The following ARHGAP10 variants were observed in gnomAD, a reference collection of about 807,000 sequenced individuals.
ARHGAP10 encodes the protein Rho GTPase activating protein 10.
A neutral mutation model predicts 108.6 loss-of-function variants in ARHGAP10; 87 were observed. The observed-to-expected ratio is 0.80, with a 90% confidence interval of 0.67 to 0.96. The LOEUF is 0.96. Ranked by LOEUF, ARHGAP10 falls within the 40% of genes least tolerant of loss-of-function variation. The pLI, the probability that ARHGAP10 is intolerant of heterozygous loss-of-function variation, is 0.00. For synonymous variants in ARHGAP10, 347 were observed against 341.1 expected, an observed-to-expected ratio of 1.02 and a Z score of -0.19; for missense variants, 939 against 954.5, an observed-to-expected ratio of 0.98 and a Z score of 0.21.
At chr4:148,000,048 G>A (rs1740639205) in intron 18 of ARHGAP10, among the ~76,000 whole-genome samples, 1 of 151,928 alleles carries the variant, frequency 6.6e-6, no homozygotes, top group Non-Finnish European at 1.5e-5. Context: ...TTTACATTAG[G>A]TATATCTCCT....
intron 18 of ARHGAP10, among the ~76,000 whole-genome samples, chr4:147,974,307 C>A (rs1256716901): frequency 6.6e-6 from 1 of 152,022 alleles, no homozygotes; most frequent in Non-Finnish European, 1.5e-5. Context: ...TCATATACCT[C>A]ATTCTTATAT....
chr4:147,736,262 G>A (rs984890431), intron 1 of ARHGAP10, among the ~76,000 whole-genome samples: 1 of 152,042 alleles, frequency 6.6e-6, no homozygotes, highest in Non-Finnish European at 1.5e-5. Flanking sequence ...TAGGTCTTCC[G>A]ACTTGGTTTT....
chr4:147,738,705 G>A (rs1405913514), intron 1 of ARHGAP10, among the ~76,000 whole-genome samples: 3 of 152,128 alleles, frequency 2.0e-5, no homozygotes, highest in African/African-American at 7.2e-5. Context: ...TCAAGGCCCT[G>A]TTCTTGCCTC....
chr4:147,896,193 C>T (rs780130802), intron 10 of ARHGAP10, among the ~76,000 whole-genome samples: 1 of 152,132 alleles, frequency 6.6e-6, no homozygotes, highest in African/African-American at 2.4e-5. Flanking sequence ...ATGTCCTTCT[C>T]TGGTTTTGGT....
intron 18 of ARHGAP10, among the ~76,000 whole-genome samples, chr4:147,967,677 T>TA (rs1035861998): frequency 2.0e-5 from 3 of 152,226 alleles, no homozygotes; most frequent in Non-Finnish European, 2.9e-5. Flanking sequence ...TGGCTACTCT[T>TA]ACGATACAAC....
intron 18 of ARHGAP10, among the ~76,000 whole-genome samples, chr4:148,012,394 C>T (rs1480170259): frequency 1.3e-5 from 2 of 152,128 alleles, no homozygotes; most frequent in Non-Finnish European, 2.9e-5. Context: ...TATGCTTTGT[C>T]GTCATATATA....
At chr4:147,912,585 ATATATATATATAT>A (rs1165921089) in intron 12 of ARHGAP10, among the ~76,000 whole-genome samples, 3 of 126,478 alleles carry the variant, frequency 2.4e-5, no homozygotes, top group African/African-American at 1.1e-4. Context: ...ATATATATAT[ATATATATATATAT>A]AAAATTCCTG....
chr4:147,955,269 A>T (rs1738746023), intron 15 of ARHGAP10, 47 bp from the exon 16 acceptor site: 3 of 1,533,882 alleles, frequency 2.0e-6, no homozygotes, highest in Non-Finnish European at 2.7e-6. Context: ...CTCAGAAGTG[A>T]CTTGTTTGGA....
intron 10 of ARHGAP10, among the ~76,000 whole-genome samples, chr4:147,902,173 T>C (rs1473700877): frequency 2.0e-5 from 3 of 152,170 alleles, no homozygotes; most frequent in Admixed American, 1.3e-4. Context: ...CCCAAGCCCA[T>C]TCATTGTTTC....
At chr4:147,881,801 T>G in intron 9 of ARHGAP10, 37 bp from the exon 10 acceptor site, 1 of 1,598,316 alleles carries the variant, frequency 6.3e-7, no homozygotes, top group South Asian at 1.1e-5. Flanking sequence ...ATACTTATCC[T>G]GTAGGTTTTG....
chr4:147,737,055 A>G (rs1304803854), intron 1 of ARHGAP10, among the ~76,000 whole-genome samples: 8 of 152,134 alleles, frequency 5.3e-5, no homozygotes, highest in African/African-American at 9.7e-5. Context: ...GGGATTTTCT[A>G]TGCTTTGAAT....
chr4:147,901,885 C>T (rs1254300158), intron 10 of ARHGAP10, among the ~76,000 whole-genome samples: 1 of 152,200 alleles, frequency 6.6e-6, no homozygotes, highest in African/African-American at 2.4e-5. Context: ...TTTTCCTCCA[C>T]ATATGAGCAT....
chr4:148,009,746 A>G (rs1040985508), intron 18 of ARHGAP10, among the ~76,000 whole-genome samples: 1 of 152,170 alleles, frequency 6.6e-6, no homozygotes. Flanking sequence ...AGTCAGATGG[A>G]CTAACTCAGC....
chr4:147,812,588 C>T (rs1476114634), intron 1 of ARHGAP10, among the ~76,000 whole-genome samples: 3 of 152,188 alleles, frequency 2.0e-5, no homozygotes, highest in Non-Finnish European at 2.9e-5. Flanking sequence ...AAAGCCTTTT[C>T]CCCACCTCTG....
At chr4:148,033,763 T>C (rs1421129381) in intron 19 of ARHGAP10, among the ~76,000 whole-genome samples, 1 of 152,058 alleles carries the variant, frequency 6.6e-6, no homozygotes, top group African/African-American at 2.4e-5. Context: ...GGGAATGGAG[T>C]CCCTTTAGCA....
intron 19 of ARHGAP10, among the ~76,000 whole-genome samples, chr4:148,043,178 G>C (rs563858543): frequency 6.6e-5 from 10 of 152,304 alleles, no homozygotes; most frequent in Admixed American, 3.3e-4. Context: ...GAGAGGAGGG[G>C]TTTGGCAAGT....
At chr4:147,815,467 G>A (rs1158228552) in intron 1 of ARHGAP10, among the ~76,000 whole-genome samples, 2 of 152,116 alleles carry the variant, frequency 1.3e-5, no homozygotes, top group African/African-American at 2.4e-5. Flanking sequence ...ATTATTGGCC[G>A]GAGGCGGGGG....
chr4:147,847,506 G>A (rs568639105), intron 4 of ARHGAP10, among the ~76,000 whole-genome samples: 47 of 152,328 alleles, frequency 3.1e-4, no homozygotes, highest in South Asian at 2.7e-3. Flanking sequence ...AATAGAAGGA[G>A]CTTATTACTG....
intron 1 of ARHGAP10, among the ~76,000 whole-genome samples, chr4:147,819,670 T>G (rs1431014662): frequency 1.3e-5 from 2 of 152,140 alleles, no homozygotes; most frequent in African/African-American, 4.8e-5. Flanking sequence ...ACCATTCTCC[T>G]GCCTCAGCCT....
Sources: gnomAD v4.1 joint callset for allele counts (sites outside exome capture counted in the v4.1 genomes callset) on GRCh38, gnomAD v4.1.1 for gene constraint, MANE v1.5 for transcripts, NCBI Gene and HGNC (gene_info 2026-07-23, HGNC 2026-07-21) for gene names.